Variants in UNC13C observed in about 807,000 individuals in gnomAD.
UNC13C encodes the protein unc-13 homolog C, also known as protein unc-13 homolog C.
Under a neutral mutation model 245.4 loss-of-function variants are expected in UNC13C, and 174 were observed. That is an observed-to-expected ratio of 0.71 (90% CI 0.63 to 0.80). The LOEUF (loss-of-function observed/expected upper bound fraction) is 0.80. Among genes scored for constraint, UNC13C ranks in the 30% least tolerant of loss-of-function variants. The pLI is 0.00. For missense variants in UNC13C, 2,829 were observed against 2,602.9 expected (o/e 1.09, Z -1.89); for synonymous variants, 992 against 895.1 (o/e 1.11, Z -1.93).
chr15:54,108,273 G>T (rs755457132), intron 2 of UNC13C, among the ~76,000 whole-genome samples: 50 of 152,006 alleles, frequency 3.3e-4, no homozygotes, highest in Non-Finnish European at 7.2e-4. Flanking sequence ...TGCAATCTCC[G>T]CCTCCAGGGT....
At chr15:54,132,777 T>A (rs1342715444) in intron 2 of UNC13C, among the ~76,000 whole-genome samples, 6 of 152,172 alleles carry the variant, frequency 3.9e-5, no homozygotes, top group African/African-American at 1.2e-4. Context: ...TAGAGCAAAC[T>A]GTTTCCAAAG....
At chr15:54,064,670 G>T (rs745629052) in intron 2 of UNC13C, among the ~76,000 whole-genome samples, 10 of 152,096 alleles carry the variant, frequency 6.6e-5, no homozygotes, top group Non-Finnish European at 1.0e-4. Context: ...TTGTTCCTTT[G>T]CACTCAATCT....
At chr15:53,923,585 CA>C in the UNC13C span, among the ~76,000 whole-genome samples, 2 of 152,198 alleles carry the variant, frequency 1.3e-5, no homozygotes, top group Non-Finnish European at 2.9e-5. Context: ...CATCTTCCTT[CA>C]ATATTAGCTG....
At chr15:54,164,232 T>C (rs2033083442) in intron 4 of UNC13C, among the ~76,000 whole-genome samples, 1 of 152,232 alleles carries the variant, frequency 6.6e-6, no homozygotes, top group Non-Finnish European at 1.5e-5. Context: ...ATTTAAATTA[T>C]GTATAATATA....
intron 14 of UNC13C, among the ~76,000 whole-genome samples, chr15:54,329,276 T>C (rs1047989305): frequency 6.6e-6 from 1 of 152,006 alleles, no homozygotes; most frequent in African/African-American, 2.4e-5. Flanking sequence ...CATTTCTTCA[T>C]GTTGGGAACA....
chr15:54,044,980 T>G (rs1345039492), intron 2 of UNC13C, among the ~76,000 whole-genome samples: 1 of 152,160 alleles, frequency 6.6e-6, no homozygotes, highest in Non-Finnish European at 1.5e-5. Flanking sequence ...TACAAGTCCC[T>G]TATGCCATAT....
chr15:54,318,900 C>T (rs2038078822), intron 13 of UNC13C, among the ~76,000 whole-genome samples: 1 of 151,830 alleles, frequency 6.6e-6, no homozygotes, highest in Non-Finnish European at 1.5e-5. Context: ...GTAAGTTATT[C>T]CTGTGTCGCT....
intron 7 of UNC13C, among the ~76,000 whole-genome samples, chr15:54,246,756 T>C (rs1394652754): frequency 3.6e-5 from 1 of 27,732 alleles, no homozygotes; most frequent in South Asian, 1.6e-3. Flanking sequence ...TATCGGAGGG[T>C]GGGGGTGGGA....
chr15:54,610,020 C>T (rs1295434147), intron 30 of UNC13C, among the ~76,000 whole-genome samples: 2 of 152,078 alleles, frequency 1.3e-5, no homozygotes, highest in Admixed American at 6.6e-5. Flanking sequence ...CTACCAGGTC[C>T]CTCCAATGAC....
At chr15:54,189,095 A>C (rs542339125) in intron 4 of UNC13C, among the ~76,000 whole-genome samples, 5 of 152,306 alleles carry the variant, frequency 3.3e-5, no homozygotes, top group South Asian at 2.1e-4. Flanking sequence ...ACCAAAAATA[A>C]TAAAATAGCA....
chr15:53,993,482 A>G (rs1057371168), intron 1 of UNC13C, among the ~76,000 whole-genome samples: 2 of 152,090 alleles, frequency 1.3e-5, no homozygotes, highest in African/African-American at 4.8e-5. Flanking sequence ...TGAAGGGGGT[A>G]TCTGTGTGGC....
intron 19 of UNC13C, among the ~76,000 whole-genome samples, chr15:54,485,707 T>C (rs1391502122): frequency 6.6e-6 from 1 of 152,184 alleles, no homozygotes; most frequent in Non-Finnish European, 1.5e-5. Flanking sequence ...TGAACCCAGA[T>C]CTCAACACTC....
intron 26 of UNC13C, among the ~76,000 whole-genome samples, chr15:54,545,687 G>A (rs1450225949): frequency 2.0e-5 from 3 of 152,210 alleles, no homozygotes; most frequent in Middle Eastern, 3.4e-3. Flanking sequence ...CATTTATGCG[G>A]CTAACAAACA....
the UNC13C span, among the ~76,000 whole-genome samples, chr15:53,961,080 T>C: frequency 6.6e-6 from 1 of 152,242 alleles, no homozygotes; most frequent in South Asian, 2.1e-4. Flanking sequence ...TATTTTTTGA[T>C]GGTTCCTAGG....
intron 18 of UNC13C, 36 bp from the exon 19 acceptor site, chr15:54,414,943 TTTC>T (rs1378944255): frequency 2.6e-6 from 4 of 1,546,196 alleles, no homozygotes; most frequent in Non-Finnish European, 3.5e-6. Flanking sequence ...TAGGCATGCT[TTTC>T]TTCTTCATAC....
At chr15:54,249,423 G>A (rs2036082024) in intron 7 of UNC13C, among the ~76,000 whole-genome samples, 1 of 152,110 alleles carries the variant, frequency 6.6e-6, no homozygotes, top group Non-Finnish European at 1.5e-5. Flanking sequence ...TTCATAAGTG[G>A]CAGAACGTTT....
chr15:54,624,348 C>A lies in UNC13C; in HGVS notation c.6359+394C>A, dbSNP rs575727388. Among the ~76,000 whole-genome samples, 4 of 152,206 alleles carry A rather than the reference C, an allele frequency of 2.6e-5. No homozygotes were observed. The East Asian group carries it at 5.8e-4, about 22-fold the overall frequency. On this transcript the variant is annotated intron_variant, in intron 32 of 32. Coordinates refer to ENST00000260323, the MANE Select transcript of UNC13C (RefSeq NM_001080534.3). ...TGAGCATGTGACTTTTAAACTGAAACCTGTCCAAATAAAAAGCCAGGCATG... is the reference window on the plus strand; with the variant it reads ...TGAGCATGTGACTTTTAAACTGAAAACTGTCCAAATAAAAAGCCAGGCATG...
chr15:53,862,400 G>C, the UNC13C span, among the ~76,000 whole-genome samples: 1 of 152,082 alleles, frequency 6.6e-6, no homozygotes, highest in African/African-American at 2.4e-5. Context: ...AAGCAGGAGT[G>C]TTTCATTCAA....
At position 54,300,339 on chromosome 15, in the gene UNC13C, C is replaced by T. The variant is rs370227736; in HGVS notation, c.4234C>T (p.Arg1412Cys). 39 of 1,581,298 alleles carry T rather than the reference C, an allele frequency of 2.5e-5. No individual in the cohort carries two copies. Among genetic ancestry groups the T allele is most frequent in the South Asian group, 5.8e-5 (5 of 86,564 alleles). The part of the protein sequence containing the change: ...SQEIVDEFAM[R>C]YGIESIYQAM... ...AGAAATAGTTGATGAATTTGCTATG[C>T]GTTATGGAATTGAATCCATTTATCA... Residue 1412 changes from arginine to cysteine, a missense_variant, in exon 13 of 33, where the codon CGT (arginine) becomes TGT (cysteine). By Grantham distance (180) the Arg-to-Cys change is radical (BLOSUM62 -3). Transcript: ENST00000260323.
Sources: gnomAD v4.1 joint callset for allele counts (sites outside exome capture counted in the v4.1 genomes callset) on GRCh38, gnomAD v4.1.1 for gene constraint, MANE v1.5 for transcripts, NCBI Gene and HGNC (gene_info 2026-07-23, HGNC 2026-07-21) for gene names.